The following CAMK1D variants were observed in gnomAD, a reference collection of about 807,000 sequenced individuals.
CAMK1D encodes the protein calcium/calmodulin-dependent protein kinase type 1D.
In CAMK1D, 9 loss-of-function variants were observed where a neutral mutation model predicts 47.7. That is an observed-to-expected ratio of 0.19 (90% confidence interval 0.11 to 0.33). CAMK1D has a LOEUF of 0.33. CAMK1D is among the 10% of genes least tolerant of loss of function. The pLI, the probability that CAMK1D is intolerant of heterozygous loss-of-function variation, is 1.00. For missense variants in CAMK1D, 291 were observed against 488.7 expected (o/e 0.60, Z 3.81); for synonymous variants, 184 against 184.9 (o/e 0.99, Z 0.04).
chr10:12,526,222 A>G (rs1037350852), intron 1 of CAMK1D, among the ~76,000 whole-genome samples: 14 of 152,216 alleles, frequency 9.2e-5, no homozygotes, highest in African/African-American at 3.4e-4. Flanking sequence ...AGTAGTGGTA[A>G]CAGTATCAGT....
chr10:12,511,617 C>T (rs1018659438), intron 1 of CAMK1D, among the ~76,000 whole-genome samples: 23 of 152,112 alleles, frequency 1.5e-4, no homozygotes, highest in African/African-American at 5.1e-4. Flanking sequence ...TCTCAAAAAA[C>T]GAACAAACAA....
intron 1 of CAMK1D, among the ~76,000 whole-genome samples, chr10:12,524,160 T>C (rs1588589905): frequency 6.6e-6 from 1 of 151,608 alleles, no homozygotes; most frequent in African/African-American, 2.4e-5. Flanking sequence ...AGAGACAGGG[T>C]TTCACGTTGT....
chr10:12,613,655 T>G (rs1245493109), intron 2 of CAMK1D, among the ~76,000 whole-genome samples: 2 of 152,204 alleles, frequency 1.3e-5, no homozygotes, highest in East Asian at 3.9e-4. Flanking sequence ...ATTTTTTGTA[T>G]TTTTAGTAGA....
intron 3 of CAMK1D, among the ~76,000 whole-genome samples, chr10:12,695,183 G>T (rs1564500022): frequency 6.6e-6 from 1 of 152,116 alleles, no homozygotes; most frequent in Non-Finnish European, 1.5e-5. Context: ...TGATAAAGCA[G>T]GACATGATAC....
chr10:12,454,336 G>T (rs570908112), intron 1 of CAMK1D, among the ~76,000 whole-genome samples: 1 of 151,204 alleles, frequency 6.6e-6, no homozygotes, highest in East Asian at 2.0e-4. Flanking sequence ...CTAATTTTTT[G>T]TACTTTTAGT....
chr10:12,534,138 A>C (rs1371161405), intron 1 of CAMK1D, among the ~76,000 whole-genome samples: 3 of 152,228 alleles, frequency 2.0e-5, no homozygotes, highest in African/African-American at 7.2e-5. Context: ...TGTAACAAAC[A>C]AACCTCCACA....
intron 3 of CAMK1D, among the ~76,000 whole-genome samples, chr10:12,676,093 C>T (rs556091471): frequency 3.2e-4 from 48 of 152,238 alleles, no homozygotes; most frequent in African/African-American, 1.1e-3. Flanking sequence ...GCTGGGATTA[C>T]AGGCACCTGC....
At chr10:12,465,226 A>G (rs1320382794) in intron 1 of CAMK1D, among the ~76,000 whole-genome samples, 1 of 152,264 alleles carries the variant, frequency 6.6e-6, no homozygotes, top group Non-Finnish European at 1.5e-5. Context: ...TGTCTCAGCC[A>G]TTAATTATAG....
intron 2 of CAMK1D, among the ~76,000 whole-genome samples, chr10:12,568,190 CT>C (rs1220611783): frequency 5.9e-5 from 6 of 101,228 alleles, no homozygotes; most frequent in African/African-American, 1.1e-4. Context: ...CCCTCTCCCC[CT>C]CTCTCCCTCT....
chr10:12,485,388 G>T (rs542312827), intron 1 of CAMK1D, among the ~76,000 whole-genome samples: 1 of 152,150 alleles, frequency 6.6e-6, no homozygotes, highest in Non-Finnish European at 1.5e-5. Flanking sequence ...CCCCTGTCGT[G>T]GGGGAGGGAG....
At chr10:12,521,278 C>T (rs1835408054) in intron 1 of CAMK1D, among the ~76,000 whole-genome samples, 1 of 152,118 alleles carries the variant, frequency 6.6e-6, no homozygotes, top group Non-Finnish European at 1.5e-5. Flanking sequence ...TCTCTCCAAG[C>T]TATATTCCAC....
At chr10:12,418,859 G>A (rs541493165) in intron 1 of CAMK1D, among the ~76,000 whole-genome samples, 4 of 152,304 alleles carry the variant, frequency 2.6e-5, no homozygotes, top group African/African-American at 7.2e-5. Flanking sequence ...GGGAGTGACC[G>A]TCCACCCCTG....
At chr10:12,493,207 A>G (rs1410060985) in intron 1 of CAMK1D, among the ~76,000 whole-genome samples, 1 of 152,268 alleles carries the variant, frequency 6.6e-6, no homozygotes, top group Non-Finnish European at 1.5e-5. Flanking sequence ...GTGTCCTATA[A>G]GAAGTGGTGT....
intron 1 of CAMK1D, among the ~76,000 whole-genome samples, chr10:12,494,354 T>G (rs1834473214): frequency 6.6e-6 from 1 of 152,162 alleles, no homozygotes; most frequent in African/African-American, 2.4e-5. Flanking sequence ...GCCATTTTTC[T>G]TTATCAAATG....
chr10:12,824,973 C>T (rs548818465), intron 9 of CAMK1D, among the ~76,000 whole-genome samples: 145 of 152,258 alleles, frequency 9.5e-4, no homozygotes, highest in Non-Finnish European at 1.3e-3. Context: ...TACCTGACTT[C>T]CTAATCTCTT....
At chr10:12,457,067 G>A (rs950582841) in intron 1 of CAMK1D, among the ~76,000 whole-genome samples, 2 of 152,126 alleles carry the variant, frequency 1.3e-5, no homozygotes, top group African/African-American at 2.4e-5. Flanking sequence ...ACAGTGGAAC[G>A]CTATGCAGCT....
chr10:12,518,210 A>G (rs1835267664), intron 1 of CAMK1D, among the ~76,000 whole-genome samples: 1 of 152,232 alleles, frequency 6.6e-6, no homozygotes. Flanking sequence ...CTTTTTATGA[A>G]TAAAGTTTTA....
intron 5 of CAMK1D, among the ~76,000 whole-genome samples, chr10:12,785,025 C>T (rs997935205): frequency 6.6e-6 from 1 of 152,162 alleles, no homozygotes. Flanking sequence ...GATGAATGCA[C>T]CTGGGAACCC....
At chr10:12,424,218 A>G (rs1436425024) in intron 1 of CAMK1D, among the ~76,000 whole-genome samples, 1 of 152,062 alleles carries the variant, frequency 6.6e-6, no homozygotes, top group Non-Finnish European at 1.5e-5. Context: ...CAGCAAGCCC[A>G]GTGTGAGTCT....
Sources: gnomAD v4.1 joint callset for allele counts (sites outside exome capture counted in the v4.1 genomes callset) on GRCh38, gnomAD v4.1.1 for gene constraint, MANE v1.5 for transcripts, NCBI Gene and HGNC (gene_info 2026-07-23, HGNC 2026-07-21) for gene names.